The following DNAH6 variants were observed in gnomAD, a reference collection of about 807,000 sequenced individuals.
The protein encoded by DNAH6 is dynein axonemal heavy chain 6.
Under a neutral mutation model 491.4 loss-of-function variants are expected in DNAH6, and 340 were observed. That is an observed-to-expected ratio of 0.69 (90% CI 0.63 to 0.76). The LOEUF (loss-of-function observed/expected upper bound fraction) is 0.76. DNAH6 is among the 30% of genes least tolerant of loss of function. The probability of loss-of-function intolerance (pLI) is 0.00; values close to 1 mark genes in which losing one functional copy is unlikely to be tolerated. For missense variants in DNAH6, 4,443 were observed against 4,972.2 expected (o/e 0.89, Z 3.20); for synonymous variants, 1,603 against 1,686.1 (o/e 0.95, Z 1.21).
chr2:84,556,384 G>A (rs1240781474), intron 10 of DNAH6, among the ~76,000 whole-genome samples: 1 of 152,146 alleles, frequency 6.6e-6, no homozygotes, highest in Non-Finnish European at 1.5e-5. Flanking sequence ...GCACTGTAGC[G>A]CTGATGCTCC....
At position 84,784,909 on chromosome 2, in the gene DNAH6, A is replaced by T. The variant is rs951363080; in HGVS notation, c.10953+99A>T. The stretch of plus-strand genomic sequence containing the variant: ...TCAGAGCCTGCACAGAAGCATGTGG[A>T]GGTCTGTGTGGCCAGCATGGGGAGG... On this transcript the variant is annotated intron_variant, in intron 66 of 76. Transcript: ENST00000389394. 4 of 824,050 alleles carry T rather than the reference A, an allele frequency of 4.9e-6. No homozygotes were observed. In the East Asian group the frequency reaches 1.1e-4, roughly 23 times the overall value. The allele number at this position is 824,050 out of a possible 1,614,324, so 51.0% of individuals were successfully genotyped here.
intron 37 of DNAH6, among the ~76,000 whole-genome samples, chr2:84,661,610 T>G (rs1042000106): frequency 5.3e-5 from 8 of 152,192 alleles, no homozygotes; most frequent in African/African-American, 1.7e-4. Context: ...AGGCCTCTAC[T>G]GAAAATTACA....
chr2:84,614,065 G>A (rs1459790084), intron 22 of DNAH6, among the ~76,000 whole-genome samples: 3 of 151,806 alleles, frequency 2.0e-5, no homozygotes, highest in Non-Finnish European at 2.9e-5. Flanking sequence ...GGGGAAACAG[G>A]TGGTGTATGG....
chr2:84,524,817 C>T (rs1315749702), intron 2 of DNAH6, among the ~76,000 whole-genome samples: 1 of 152,054 alleles, frequency 6.6e-6, no homozygotes, highest in Non-Finnish European at 1.5e-5. Context: ...TGATCCTGTT[C>T]TCTATTCCTA....
the DNAH6 span, among the ~76,000 whole-genome samples, chr2:84,476,084 G>T: frequency 1.3e-5 from 2 of 152,190 alleles, no homozygotes; most frequent in Non-Finnish European, 2.9e-5. Flanking sequence ...TACTGAGGTG[G>T]AGTGAAAACA....
chr2:84,601,014 T>C (rs567580253), intron 18 of DNAH6, among the ~76,000 whole-genome samples: 3 of 133,436 alleles, frequency 2.2e-5, no homozygotes, highest in African/African-American at 1.1e-4. Flanking sequence ...TATAATAATA[T>C]TATAATAATA....
chr2:84,604,221 G>A, intron 18 of DNAH6, 118 bp from the exon 19 acceptor site: 1 of 767,106 alleles, frequency 1.3e-6, no homozygotes, highest in Non-Finnish European at 2.1e-6. Context: ...TTGCTCTGTG[G>A]AAAGAGGGTA....
chr2:84,614,253 T>TATGAGTG (rs1686610456), intron 22 of DNAH6, among the ~76,000 whole-genome samples: 1 of 152,076 alleles, frequency 6.6e-6, no homozygotes, highest in Admixed American at 6.6e-5. Flanking sequence ...CCTCATACCT[T>TATGAGTG]AGCTCCCACT....
At chr2:84,761,926 G>A (rs188310141) in intron 63 of DNAH6, among the ~76,000 whole-genome samples, 31 of 152,240 alleles carry the variant, frequency 2.0e-4, no homozygotes, top group Non-Finnish European at 3.8e-4. Flanking sequence ...AACCCATGGG[G>A]GAGCCATTCA....
At chr2:84,733,900 G>A (rs1255376651) in intron 62 of DNAH6, among the ~76,000 whole-genome samples, 2 of 150,620 alleles carry the variant, frequency 1.3e-5, no homozygotes, top group African/African-American at 2.4e-5. Flanking sequence ...TTTATTGAAG[G>A]ATAACATAAA....
intron 41 of DNAH6, among the ~76,000 whole-genome samples, chr2:84,679,986 G>T (rs768646930): frequency 6.6e-6 from 1 of 152,168 alleles, no homozygotes; most frequent in Non-Finnish European, 1.5e-5. Context: ...TTATCAGCTT[G>T]TCTATTCTCC....
rs756292533 is a variant in DNAH6, at chr2:84,697,742, A to T, written c.7677+15A>T. On this transcript the variant is annotated intron_variant, in intron 47 of 76. Transcript: ENST00000389394. ...ACAGAGACGAGGTAGGATGTGCCAG[A>T]GTAGTTATGTGGCTTTATCACAAAA... 1 of 1,549,610 alleles carries T rather than the reference A, an allele frequency of 6.5e-7. No homozygotes were observed. Among genetic ancestry groups the T allele is most frequent in the Admixed American group, 2.0e-5 (1 of 50,876 alleles).
chr2:84,795,441 A>G (rs1219215786), intron 68 of DNAH6, among the ~76,000 whole-genome samples: 1 of 152,194 alleles, frequency 6.6e-6, no homozygotes, highest in African/African-American at 2.4e-5. Flanking sequence ...GTCTAGATTC[A>G]TATGATTAAT....
intron 15 of DNAH6, 105 bp downstream of exon 15, chr2:84,584,355 A>C: frequency 8.7e-7 from 1 of 1,152,768 alleles, no homozygotes; most frequent in East Asian, 2.6e-5. Flanking sequence ...TATTTACAAT[A>C]TATAATGTGA....
intron 64 of DNAH6, among the ~76,000 whole-genome samples, chr2:84,766,719 G>A (rs1345895187): frequency 3.3e-5 from 5 of 152,180 alleles, no homozygotes; most frequent in African/African-American, 1.2e-4. Flanking sequence ...AGAGCAATGA[G>A]CCCGGCACTC....
In DNAH6 at chr2:84,718,351, T is replaced by C. The variant is rs766222456; in HGVS notation, c.9759T>C (p.Asn3253=). The C allele has an allele frequency of 7.0e-5, 108 of 1,543,058 alleles. No homozygotes were observed. Among genetic ancestry groups the C allele is most frequent in the Non-Finnish European group, 8.3e-5 (95 of 1,144,792 alleles). Reference sequence around the variant, plus strand: ...CCTCTGAAGGAAATATTCTGGACAATGAAGAACTTATTGACACACTCCAGG... The same window carrying C: ...CCTCTGAAGGAAATATTCTGGACAACGAAGAACTTATTGACACACTCCAGG... ...LFTSEGNILD[N]EELIDTLQDS... is the part of the protein sequence containing the mutation. The change falls in exon 59 of 77, where the codon AAT becomes AAC. Residue 3253 remains asparagine, a synonymous_variant. Coordinates refer to ENST00000389394, the MANE Select transcript of DNAH6 (RefSeq NM_001370.2).
chr2:84,797,636 A>C lies in DNAH6; in HGVS notation c.11459A>C (p.Glu3820Ala). The stretch of plus-strand genomic sequence containing the variant: ...GACCCAGAAATTTTTGGAATGCATG[A>C]AAATGCTAATCTAGTCTTCCAGGTA... ...IDDPEIFGMH[E>A]NANLVFQYKE... Residue 3820 changes from glutamate (E) to alanine (A), a missense_variant, in exon 70 of 77, where the codon GAA becomes GCA. Physicochemically the swap from Glu to Ala is moderately radical, Grantham distance 107. Around this residue, in one of 3 missense-constraint regions of DNAH6, gnomAD observed 1,463 missense variants for 1,656.6 expected, o/e 0.88. Transcript: ENST00000389394. The C allele has an allele frequency of 6.4e-7, 1 of 1,551,380 alleles. No homozygotes were observed. Among genetic ancestry groups the C allele is most frequent in the Non-Finnish European group, 8.7e-7 (1 of 1,146,716 alleles).
intron 64 of DNAH6, among the ~76,000 whole-genome samples, chr2:84,767,708 T>C (rs1219801351): frequency 6.6e-6 from 1 of 151,946 alleles, no homozygotes; most frequent in Non-Finnish European, 1.5e-5. Flanking sequence ...TAAAGTGTAA[T>C]TTGAGTCCCA....
chr2:84,534,626 A>G (rs1275725557), intron 4 of DNAH6, among the ~76,000 whole-genome samples: 1 of 151,844 alleles, frequency 6.6e-6, no homozygotes, highest in African/African-American at 2.4e-5. Flanking sequence ...TCCTTTTGAC[A>G]CAATATTAGG....
Sources: gnomAD v4.1 joint callset for allele counts (sites outside exome capture counted in the v4.1 genomes callset) on GRCh38, gnomAD v4.1.1 for gene constraint, gnomAD v4.1.1 regional missense constraint, MANE v1.5 for transcripts, NCBI Gene and HGNC (gene_info 2026-07-23, HGNC 2026-07-21) for gene names.